Variants in COBL observed in about 807,000 individuals in gnomAD.
COBL encodes cordon-bleu WH2 repeat protein.
Under a neutral mutation model 98.8 loss-of-function variants are expected in COBL, and 51 were observed. The observed-to-expected ratio is 0.52, with a 90% CI of 0.41 to 0.65. The LOEUF (loss-of-function observed/expected upper bound fraction) is 0.65, where lower values mean the gene tolerates loss of function less well. Ranked by LOEUF, COBL falls within the 30% of genes least tolerant of loss-of-function variation. The pLI is 0.00. For synonymous variants in COBL, 634 were observed against 651.7 expected (o/e 0.97, Z 0.41); for missense variants, 1,617 against 1,617.5 (o/e 1.00, Z 0.01).
intron 6 of COBL, among the ~76,000 whole-genome samples, chr7:51,093,772 T>G (rs1795023740): frequency 6.6e-6 from 1 of 151,990 alleles, no homozygotes; most frequent in African/African-American, 2.4e-5. Context: ...CATGTGCCTG[T>G]AATTTCAGCT....
In COBL at chr7:51,027,853, GTC is replaced by G. The variant is rs1485923198; in HGVS notation, c.3241_3242del (p.Asp1081GlnfsTer94). 9 of 1,614,220 alleles carry G rather than the reference GTC, an allele frequency of 5.6e-6. No individual in the cohort carries two copies. The highest frequency in any genetic ancestry group is 7.6e-6 in the Non-Finnish European group (9 of 1,180,050). ...CAAAAATGCTGGGTGGCCAAATACT[GTC>G]TGTTTCATTTCCATCTGTAGAGAAC... Reference protein sequence around the residue: ...SVFSTDGNETDSIWPPSIFGP... With the variant: ...SVFSTDGNETXSIWPPSIFGP... On this transcript the variant is annotated frameshift_variant, in exon 10 of 13. Coordinates refer to ENST00000265136, the MANE Select transcript of COBL (RefSeq NM_015198.5). LOFTEE classifies it high-confidence loss of function.
intron 8 of COBL, 198 bp from the exon 9 acceptor site, chr7:51,031,107 G>A: frequency 3.4e-6 from 2 of 587,808 alleles, no homozygotes; most frequent in East Asian, 2.8e-5. Context: ...GTGTGCACAG[G>A]TATGTGTGGG....
intron 7 of COBL, among the ~76,000 whole-genome samples, chr7:51,060,447 C>A (rs1189054348): frequency 6.6e-6 from 1 of 151,918 alleles, no homozygotes; most frequent in Non-Finnish European, 1.5e-5. Flanking sequence ...CTGGTCTTAC[C>A]AAGTTCCCCA....
chr7:51,125,867 G>A (rs996961891), intron 6 of COBL, among the ~76,000 whole-genome samples: 3 of 152,164 alleles, frequency 2.0e-5, no homozygotes, highest in African/African-American at 7.2e-5. Context: ...ACTGTCTTGG[G>A]ACAGAAATTA....
rs917214162 is a variant in COBL at position 51,073,466 on chromosome 7, G to A, written c.1096+11700C>T. 5.1e-6 allele frequency: 3 copies of A among 588,316 alleles called. No individual in the cohort carries two copies. In the African/African-American group the frequency reaches 5.5e-5, roughly 11 times the overall value. The allele number at this position is 588,316 out of a possible 1,614,324, so 36.4% of individuals were successfully genotyped here. The stretch of plus-strand genomic sequence containing the variant: ...ATCTGCCATTATCATTCATTTTCCA[G>A]CCCCTGGAGATTTAACACTGCATAG... On this transcript the variant is annotated intron_variant, in intron 7 of 12. Coordinates refer to ENST00000265136, the MANE Select transcript of COBL (RefSeq NM_015198.5).
intron 8 of COBL, chr7:51,032,816 A>G (rs1304680449): frequency 6.6e-6 from 1 of 152,240 alleles, no homozygotes; most frequent in Non-Finnish European, 1.5e-5. Context: ...AAATACATTT[A>G]AATTTTTAAT....
intron 6 of COBL, among the ~76,000 whole-genome samples, chr7:51,130,280 A>C (rs1798617043): frequency 6.6e-6 from 1 of 152,132 alleles, no homozygotes; most frequent in Non-Finnish European, 1.5e-5. Context: ...CAGGAGGCCA[A>C]CTGGCTGAGG....
At position 51,029,445 on chromosome 7, in the gene COBL, G is replaced by A; in HGVS notation, c.1651C>T (p.Pro551Ser). The change falls in exon 10 of 13, where the codon CCT becomes TCT. Residue 551 changes from proline (P) to serine (S), a missense_variant. Physicochemically the swap from Pro to Ser is moderately conservative, Grantham distance 74 (BLOSUM62 -1). Transcript: ENST00000265136. Reference protein sequence around the residue: ...VTFIGEVSDDPVDSGLFSNRN... With the variant: ...VTFIGEVSDDSVDSGLFSNRN... ...TTGGAAAACAACCCCGAATCCACAG[G>A]ATCATCTGAAACTTCCCCTATGAAT... The A allele has an allele frequency of 6.2e-7, 1 of 1,614,130 alleles. No homozygotes were observed. Among genetic ancestry groups the A allele is most frequent in the Non-Finnish European group, 8.5e-7 (1 of 1,180,026 alleles).
chr7:51,020,534 G>A lies in COBL; in HGVS notation c.3769-2966C>T, dbSNP rs71540285. On this transcript the variant is annotated intron_variant, in intron 12 of 12. Coordinates refer to ENST00000265136, the MANE Select transcript of COBL (RefSeq NM_015198.5). ...TTTTAAATATACACATGGATTAGGA[G>A]GGTACTTGTACATTCCAGGCCTTCT... 3.2e-3 allele frequency among the ~76,000 whole-genome samples: 487 copies of A among 152,354 alleles called. 3 individuals carry two copies. The highest frequency in any genetic ancestry group is 5.0e-3 in the Non-Finnish European group (341 of 68,040).
chr7:51,133,993 T>C (rs1798990785), intron 6 of COBL, among the ~76,000 whole-genome samples: 1 of 152,234 alleles, frequency 6.6e-6, no homozygotes, highest in Non-Finnish European at 1.5e-5. Flanking sequence ...CATTCTCATT[T>C]TCTTACAAAC....
At chr7:51,190,139 A>G (rs1186702737) in intron 4 of COBL, among the ~76,000 whole-genome samples, 2 of 152,242 alleles carry the variant, frequency 1.3e-5, no homozygotes, top group Non-Finnish European at 2.9e-5. Context: ...AATTTCTGCC[A>G]CTGGTTTTAG....
chr7:51,094,443 G>A (rs911347629), intron 6 of COBL, among the ~76,000 whole-genome samples: 2 of 151,954 alleles, frequency 1.3e-5, no homozygotes, highest in African/African-American at 2.4e-5. Context: ...TGAATATTTT[G>A]ACAATGCATA....
intron 1 of COBL, among the ~76,000 whole-genome samples, chr7:51,229,186 C>A (rs1194069688): frequency 6.6e-6 from 1 of 152,202 alleles, no homozygotes; most frequent in Non-Finnish European, 1.5e-5. Context: ...TGAAGCAGTG[C>A]CCTGAGAACT....
At chr7:51,083,273 C>G in intron 7 of COBL, 1 of 1,407,984 alleles carries the variant, frequency 7.1e-7, no homozygotes, top group Non-Finnish European at 9.3e-7. Flanking sequence ...TTAAACCAAG[C>G]CGTCACTCAC....
At chr7:51,131,654 C>T (rs1372823869) in intron 6 of COBL, among the ~76,000 whole-genome samples, 1 of 150,814 alleles carries the variant, frequency 6.6e-6, no homozygotes, top group Non-Finnish European at 1.5e-5. Flanking sequence ...AGTGCAGTGG[C>T]ACGATCTCGG....
intron 7 of COBL, among the ~76,000 whole-genome samples, chr7:51,047,006 A>G (rs913219269): frequency 4.6e-5 from 7 of 152,224 alleles, no homozygotes; most frequent in Non-Finnish European, 1.0e-4. Context: ...ACAACTGACC[A>G]GTGACTAATT....
chr7:51,096,888 G>A (rs1795317605), intron 6 of COBL, among the ~76,000 whole-genome samples: 2 of 152,106 alleles, frequency 1.3e-5, no homozygotes, highest in African/African-American at 2.4e-5. Flanking sequence ...ACAACCAGAT[G>A]GCTTCAATGG....
rs532422708 is a variant in COBL, at chr7:51,066,089, G to A, written c.1096+19077C>T. 1.3e-3 allele frequency among the ~76,000 whole-genome samples: 198 copies of A among 152,352 alleles called. 1 individual carries two copies. Among genetic ancestry groups the A allele is most frequent in the African/African-American group, 4.5e-3 (187 of 41,580 alleles). On this transcript the variant is annotated intron_variant, in intron 7 of 12. Coordinates refer to ENST00000265136, the MANE Select transcript of COBL (RefSeq NM_015198.5). Reference sequence around the variant, plus strand: ...TAGCAGACTAACATATCAGTGCACTGTGTTGCTGCGCACTGTGATGAAAAT... The same window carrying A: ...TAGCAGACTAACATATCAGTGCACTATGTTGCTGCGCACTGTGATGAAAAT...
At chr7:51,142,868 G>A (rs939778065) in intron 5 of COBL, among the ~76,000 whole-genome samples, 3 of 152,106 alleles carry the variant, frequency 2.0e-5, no homozygotes, top group African/African-American at 7.2e-5. Flanking sequence ...AATGAGCCCC[G>A]GGGTGCTTCA....
Sources: gnomAD v4.1 joint callset for allele counts (sites outside exome capture counted in the v4.1 genomes callset) on GRCh38, gnomAD v4.1.1 for gene constraint, MANE v1.5 for transcripts, NCBI Gene and HGNC (gene_info 2026-07-23, HGNC 2026-07-21) for gene names.